KLF17: variants seen among roughly 807,000 people sequenced by gnomAD.
KLF17 encodes the protein KLF transcription factor 17.
A neutral mutation model predicts 34.2 loss-of-function variants in KLF17; 31 were observed. The observed-to-expected ratio is 0.91, with a 90% CI of 0.68 to 1.22. The LOEUF is 1.22. Among genes scored for constraint, KLF17 ranks in the 50% most tolerant of loss-of-function variants. KLF17 has a pLI of 0.00. For missense variants in KLF17, 478 were observed against 505.2 expected (o/e 0.95, Z 0.52); for synonymous variants, 179 against 186.7 (o/e 0.96, Z 0.34).
chr1:44,130,405 C>T (rs1571993895), intron 2 of KLF17, 107 bp from the exon 3 acceptor site: 2 of 1,490,992 alleles, frequency 1.3e-6, no homozygotes, highest in South Asian at 2.4e-5. Flanking sequence ...CCCTGGTTCC[C>T]TGGACCTTCC....
At position 44,133,985 on chromosome 1, in the gene KLF17, GC is replaced by G. The variant is rs2088141314; in HGVS notation, c.*750del. 6.6e-6 allele frequency: 1 copy of G among 152,296 alleles called. No homozygotes were observed. The highest frequency in any genetic ancestry group is 6.5e-5 in the Admixed American group (1 of 15,298). The allele number at this position is 152,296 out of a possible 1,614,324, so 9.4% of individuals were successfully genotyped here. On this transcript the variant is annotated 3_prime_UTR_variant, in exon 4 of 4. Transcript: ENST00000372299. Reference sequence around the variant, plus strand: ...GAGCAGGTCATCTCGGGTTCACTGGGCCAGGGATGGTCTCTGTTCCCCAGCC... The same window carrying G: ...GAGCAGGTCATCTCGGGTTCACTGGGCAGGGATGGTCTCTGTTCCCCAGCC...
chr1:44,083,231 A>G, the KLF17 span, among the ~76,000 whole-genome samples: 1 of 151,282 alleles, frequency 6.6e-6, no homozygotes, highest in African/African-American at 2.4e-5. Context: ...TATAGGCATG[A>G]GGCACCACAC....
At chr1:44,122,165 AC>A (rs1209199377) in intron 1 of KLF17, 4 of 1,576,042 alleles carry the variant, frequency 2.5e-6, no homozygotes, top group East Asian at 2.2e-5. Flanking sequence ...ATCGCCTAGG[AC>A]CCCCTCTTCC....
chr1:44,093,345 G>A, the KLF17 span, among the ~76,000 whole-genome samples: 5 of 152,180 alleles, frequency 3.3e-5, no homozygotes, highest in African/African-American at 9.6e-5. Flanking sequence ...CTACCCCAGC[G>A]GGGCTTTAGG....
chr1:44,115,359 G>A (rs961573392), upstream of KLF17: 5 of 149,950 alleles, frequency 3.3e-5, no homozygotes, highest in African/African-American at 1.2e-4. Flanking sequence ...GCTGAGGCAG[G>A]AGAATGGCAT....
upstream of KLF17, chr1:44,114,617 C>G (rs748172634): frequency 6.6e-6 from 1 of 152,218 alleles, no homozygotes; most frequent in Non-Finnish European, 1.5e-5. Context: ...GTCAAGAAGA[C>G]TTGGGGCCCC....
At chr1:44,131,075 G>A (rs1302550519) in intron 3 of KLF17, among the ~76,000 whole-genome samples, 4 of 152,190 alleles carry the variant, frequency 2.6e-5, no homozygotes, top group Admixed American at 2.6e-4. Flanking sequence ...GATTACAGGC[G>A]TGAGCCACCG....
the KLF17 span, among the ~76,000 whole-genome samples, chr1:44,111,463 GTT>G: frequency 1.8e-3 from 159 of 90,478 alleles, no homozygotes; most frequent in African/African-American, 2.4e-3. Flanking sequence ...TTTGCAACTT[GTT>G]TTTTTTTTTT....
chr1:44,091,950 A>AATAC, the KLF17 span, among the ~76,000 whole-genome samples: 1 of 110,326 alleles, frequency 9.1e-6, no homozygotes, highest in African/African-American at 3.7e-5. Flanking sequence ...CAACAACAAC[A>AATAC]ACACACACAC....
the KLF17 span, among the ~76,000 whole-genome samples, chr1:44,052,519 C>T: frequency 6.6e-6 from 1 of 152,246 alleles, no homozygotes; most frequent in Non-Finnish European, 1.5e-5. Context: ...TTCCCTTCCA[C>T]TGTCACCATT....
the KLF17 span, among the ~76,000 whole-genome samples, chr1:44,075,796 C>T: frequency 6.6e-6 from 1 of 152,184 alleles, no homozygotes; most frequent in Admixed American, 6.5e-5. Flanking sequence ...CTTTGATGGG[C>T]ACCTGAATTA....
At chr1:44,063,085 A>G in the KLF17 span, among the ~76,000 whole-genome samples, 1 of 152,218 alleles carries the variant, frequency 6.6e-6, no homozygotes, top group African/African-American at 2.4e-5. Flanking sequence ...TAATAAAACA[A>G]CATGGGTGAA....
chr1:44,111,472 TTTTTTTTTTTGAGCTTATA>T, the KLF17 span, among the ~76,000 whole-genome samples: 1 of 149,860 alleles, frequency 6.7e-6, no homozygotes, highest in Non-Finnish European at 1.5e-5. Flanking sequence ...TGTTTTTTTT[TTTTTTTTTTTGAGCTTATA>T]TTTTTAAACC....
the KLF17 span, among the ~76,000 whole-genome samples, chr1:44,084,752 T>C: frequency 6.6e-6 from 1 of 150,740 alleles, no homozygotes; most frequent in Non-Finnish European, 1.5e-5. Context: ...AATGAGCACA[T>C]TTAGAACACA....
chr1:44,075,525 G>A, the KLF17 span, among the ~76,000 whole-genome samples: 3 of 152,056 alleles, frequency 2.0e-5, no homozygotes, highest in African/African-American at 4.8e-5. Flanking sequence ...TTATTAGACC[G>A]GGGTCTAATA....
the KLF17 span, among the ~76,000 whole-genome samples, chr1:44,090,903 C>A: frequency 6.6e-6 from 1 of 151,466 alleles, no homozygotes; most frequent in Non-Finnish European, 1.5e-5. Flanking sequence ...GCAGGAGATA[C>A]AATTCCCACC....
chr1:44,119,047 A>AG, intron 1 of KLF17, 59 bp downstream of exon 1: 3 of 1,250,630 alleles, frequency 2.4e-6, no homozygotes, highest in Non-Finnish European at 3.3e-6. Context: ...GGCGGCGGGG[A>AG]GGGGAGGCCT....
intron 1 of KLF17, among the ~76,000 whole-genome samples, chr1:44,123,309 G>T (rs144922045): frequency 1.2e-4 from 18 of 152,222 alleles, no homozygotes; most frequent in African/African-American, 4.3e-4. Flanking sequence ...CGATCCACCT[G>T]CTTCGTAGTC....
the KLF17 span, chr1:44,088,210 C>A: frequency 6.5e-6 from 1 of 152,772 alleles, no homozygotes; most frequent in African/African-American, 2.4e-5. Context: ...CCTTAACCTC[C>A]CAGGCTCTAG....
Sources: allele counts gnomAD v4.1 joint callset (sites outside exome capture counted in the v4.1 genomes callset), GRCh38; gene constraint gnomAD v4.1.1; transcripts MANE v1.5; gene names NCBI Gene and HGNC (gene_info 2026-07-23, HGNC 2026-07-21).